HK2: variants seen among roughly 807,000 people sequenced by gnomAD.
The protein encoded by HK2 is hexokinase 2.
A neutral mutation model predicts 92.9 loss-of-function variants in HK2; 42 were observed. The ratio of observed to expected loss-of-function variants is 0.45; its 90% confidence interval spans 0.35 to 0.58. HK2 has a LOEUF of 0.58. HK2 is among the 20% of genes least tolerant of loss of function. The probability of loss-of-function intolerance (pLI) is 0.00; values close to 1 mark genes in which losing one functional copy is unlikely to be tolerated. For missense variants in HK2, 978 were observed against 1,245.1 expected (o/e 0.79, Z 3.23); for synonymous variants, 422 against 468.0 (o/e 0.90, Z 1.27).
At chr2:74,856,568 A>T (rs1573365940) in intron 2 of HK2, among the ~76,000 whole-genome samples, 1 of 152,204 alleles carries the variant, frequency 6.6e-6, no homozygotes, top group Non-Finnish European at 1.5e-5. Context: ...TTCACCCAGC[A>T]CTAACACTAA....
Position 74,872,717 on chromosome 2 carries a change from C to G in HK2, c.495+298C>G, listed in dbSNP as rs189667802. Among the ~76,000 whole-genome samples, 10 of 152,192 alleles carry G rather than the reference C, an allele frequency of 6.6e-5. No homozygotes were observed. In the East Asian group the frequency reaches 1.9e-3, roughly 29 times the overall value. Reference sequence around the variant, plus strand: ...AGTCTAAAGTGTTATGATAAAGACCCTTGGAAGAAAGATACTTGGAGAGTT... The same window carrying G: ...AGTCTAAAGTGTTATGATAAAGACCGTTGGAAGAAAGATACTTGGAGAGTT... On this transcript the variant is annotated intron_variant, in intron 4 of 17. Coordinates refer to ENST00000290573, the MANE Select transcript of HK2 (RefSeq NM_000189.5).
At chr2:74,888,981 A>G (rs1159995398) in intron 16 of HK2, among the ~76,000 whole-genome samples, 4 of 152,210 alleles carry the variant, frequency 2.6e-5, no homozygotes, top group Non-Finnish European at 5.9e-5. Flanking sequence ...TTGAGTATCT[A>G]CTTTGTAGTA....
rs181910716 is a variant in HK2, at chr2:74,840,116, C to A, written c.63+5473C>A. Among the ~76,000 whole-genome samples, 290 of 151,762 alleles carry A rather than the reference C, an allele frequency of 1.9e-3. 1 individual carries two copies. The highest frequency in any genetic ancestry group is 6.8e-3 in the African/African-American group (280 of 41,378). ...GACTACAGGCGCCCACCACCATGTC[C>A]GGTTAATTTTTTTATATCTTTAGTA... On this transcript the variant is annotated intron_variant, in intron 1 of 17. Transcript: ENST00000290573.
chr2:74,868,065 T>C (rs943074809), intron 3 of HK2, among the ~76,000 whole-genome samples: 1 of 152,222 alleles, frequency 6.6e-6, no homozygotes, highest in Non-Finnish European at 1.5e-5. Flanking sequence ...GCCTCAGGGC[T>C]TGGAAGAGGT....
intron 1 of HK2, among the ~76,000 whole-genome samples, chr2:74,852,225 C>T (rs1254477580): frequency 6.6e-6 from 1 of 152,190 alleles, no homozygotes; most frequent in East Asian, 1.9e-4. Flanking sequence ...CTGGATGTGG[C>T]CTCGCATTGG....
rs988798461 is a variant in HK2 at position 74,889,148 on chromosome 2, C to T, written c.2376-97C>T. On this transcript the variant is annotated intron_variant, in intron 16 of 17. Transcript: ENST00000290573. ...GCCAGCTCCTGGAGAGCTAGACCCCCACAGAGCCTCCCCTGTAAGGACTCA... is the reference window on the plus strand; with the variant it reads ...GCCAGCTCCTGGAGAGCTAGACCCCTACAGAGCCTCCCCTGTAAGGACTCA... 3.0e-6 allele frequency: 3 copies of T among 1,007,648 alleles called. No homozygotes were observed. In the African/African-American group the frequency reaches 4.8e-5, roughly 16 times the overall value. The allele number at this position is 1,007,648 out of a possible 1,614,324, so 62.4% of individuals were successfully genotyped here.
chr2:74,874,135 A>G (rs1459150701), intron 6 of HK2, 131 bp from the exon 7 acceptor site: 2 of 1,175,380 alleles, frequency 1.7e-6, no homozygotes, highest in East Asian at 4.8e-5. Flanking sequence ...ATGTATTGTG[A>G]TGCCCCCAGA....
intron 2 of HK2, among the ~76,000 whole-genome samples, chr2:74,857,947 G>A (rs927035915): frequency 2.6e-5 from 4 of 152,124 alleles, no homozygotes; most frequent in African/African-American, 4.8e-5. Context: ...CAGAAGGCTC[G>A]AGGCCTTTTC....
chr2:74,893,032 C>G lies in HK2; in HGVS notation c.*2091C>G, dbSNP rs969303020. 1.4e-5 allele frequency: 2 copies of G among 143,588 alleles called. No individual in the cohort carries two copies. Among genetic ancestry groups the G allele is most frequent in the African/African-American group, 2.5e-5 (1 of 39,228 alleles). 8.9% of individuals were successfully genotyped at this position (143,588 alleles called of 1,614,324 possible). ...ATTAGGTACTATCTGTGAAGTTACA[C>G]TTTTTTTTTTTTTTTTAAAGGTAGA... On this transcript the variant is annotated 3_prime_UTR_variant, in exon 18 of 18. Transcript: ENST00000290573.
intron 2 of HK2, 58 bp downstream of exon 2, chr2:74,854,513 C>G: frequency 6.3e-7 from 1 of 1,598,208 alleles, no homozygotes; most frequent in Non-Finnish European, 8.6e-7. Flanking sequence ...ATTTAGTTGG[C>G]TTTGCTCAGG....
intron 1 of HK2, among the ~76,000 whole-genome samples, chr2:74,836,118 C>T (rs553985990): frequency 4.5e-4 from 68 of 152,308 alleles, no homozygotes; most frequent in African/African-American, 1.6e-3. Flanking sequence ...TTTGAGCTGG[C>T]AGGATCTTGG....
At chr2:74,876,615 A>T (rs909853013) in intron 7 of HK2, among the ~76,000 whole-genome samples, 3 of 152,048 alleles carry the variant, frequency 2.0e-5, no homozygotes, top group African/African-American at 7.3e-5. Flanking sequence ...CCCAGTGCAG[A>T]TTCCTCTATC....
chr2:74,838,731 GGTTTCACC>G (rs1688232480), intron 1 of HK2, among the ~76,000 whole-genome samples: 1 of 152,000 alleles, frequency 6.6e-6, no homozygotes, highest in African/African-American at 2.4e-5. Flanking sequence ...GTAGAGACGA[GGTTTCACC>G]GTGTTATCCA....
At position 74,873,957 on chromosome 2, in the gene HK2, G is replaced by A. The variant is rs760696156; in HGVS notation, c.691+14G>A. 7.6e-6 allele frequency: 12 copies of A among 1,584,334 alleles called. No individual in the cohort carries two copies. The highest frequency in any genetic ancestry group is 2.7e-5 in the African/African-American group (2 of 74,296). On this transcript the variant is annotated intron_variant, in intron 6 of 17. Transcript: ENST00000290573. ...GTCTCATTGTGGGTGAGTGAACACCGTGCATGAAGGGCCCGTGCTGGCCAA... is the reference window on the plus strand; with the variant it reads ...GTCTCATTGTGGGTGAGTGAACACCATGCATGAAGGGCCCGTGCTGGCCAA...
At chr2:74,848,070 C>A (rs1573358247) in intron 1 of HK2, among the ~76,000 whole-genome samples, 1 of 152,184 alleles carries the variant, frequency 6.6e-6, no homozygotes, top group African/African-American at 2.4e-5. Context: ...TAGGGGCTTG[C>A]CCATGCCTCC....
intron 10 of HK2, among the ~76,000 whole-genome samples, chr2:74,881,124 C>T (rs1023910145): frequency 6.6e-6 from 1 of 152,214 alleles, no homozygotes; most frequent in African/African-American, 2.4e-5. Flanking sequence ...TTGTTTTGCA[C>T]TGTCTTGGCA....
At chr2:74,851,698 T>C (rs1688573124) in intron 1 of HK2, among the ~76,000 whole-genome samples, 1 of 152,184 alleles carries the variant, frequency 6.6e-6, no homozygotes, top group Admixed American at 6.5e-5. Context: ...AAGAAGCTTC[T>C]GGGCCTCTCT....
At chr2:74,888,201 C>G in intron 16 of HK2, 143 bp downstream of exon 16, 1 of 846,596 alleles carries the variant, frequency 1.2e-6, no homozygotes, top group Non-Finnish European at 1.9e-6. Flanking sequence ...ATAGTGTTTA[C>G]TAAAAGCACA....
At chr2:74,881,405 C>T (rs2103991276) in intron 10 of HK2, among the ~76,000 whole-genome samples, 1 of 152,310 alleles carries the variant, frequency 6.6e-6, no homozygotes, top group Non-Finnish European at 1.5e-5. Context: ...AGCCAGATCC[C>T]AATCATCCTT....
Sources: gnomAD v4.1 joint callset for allele counts (sites outside exome capture counted in the v4.1 genomes callset) on GRCh38, gnomAD v4.1.1 for gene constraint, MANE v1.5 for transcripts, NCBI Gene and HGNC (gene_info 2026-07-23, HGNC 2026-07-21) for gene names.